The following HECA variants were observed in gnomAD, a reference collection of about 807,000 sequenced individuals.
HECA encodes headcase protein homolog.
Under a neutral mutation model 37.6 loss-of-function variants are expected in HECA, and 13 were observed. The ratio of observed to expected loss-of-function variants is 0.35; its 90% confidence interval spans 0.23 to 0.55. HECA has a LOEUF of 0.55. HECA is among the 20% of genes least tolerant of loss of function. The pLI, the probability that HECA is intolerant of heterozygous loss-of-function variation, is 0.90. For synonymous variants in HECA, 307 were observed against 291.5 expected (o/e 1.05, Z -0.54); for missense variants, 527 against 701.9 (o/e 0.75, Z 2.82).
rs1350803173 is a variant in HECA, at chr6:139,179,796, A to T, written c.*2691A>T. 1.3e-5 allele frequency: 2 copies of T among 152,232 alleles called. No homozygotes were observed. The highest frequency in any genetic ancestry group is 2.9e-5 in the Non-Finnish European group (2 of 68,034). 9.4% of individuals were successfully genotyped at this position (152,232 alleles called of 1,614,324 possible). On this transcript the variant is annotated 3_prime_UTR_variant, in exon 4 of 4. Coordinates refer to ENST00000367658, the MANE Select transcript of HECA (RefSeq NM_016217.3). ...ATTTTTGTTGTAGTTAGGATACTAA[A>T]AGGATATTAGTTACCCAAGAGATCC... is the stretch of plus-strand genomic sequence containing the variant.
chr6:139,150,484 AAAAG>A (rs1022484891), intron 1 of HECA, among the ~76,000 whole-genome samples: 4 of 151,432 alleles, frequency 2.6e-5, no homozygotes, highest in African/African-American at 9.7e-5. Context: ...TAAAAAAAAA[AAAAG>A]AAATAGATGA....
intron 1 of HECA, among the ~76,000 whole-genome samples, chr6:139,154,516 G>C (rs1009647124): frequency 6.6e-6 from 1 of 152,248 alleles, no homozygotes; most frequent in Non-Finnish European, 1.5e-5. Flanking sequence ...TTGAACAGCA[G>C]GGAGTTGTGA....
At position 139,174,214 on chromosome 6, in the gene HECA, A is replaced by G. The variant is rs569976017; in HGVS notation, c.1313-171A>G. Among the ~76,000 whole-genome samples, 213 of 152,376 alleles carry G rather than the reference A, an allele frequency of 1.4e-3. 7 individuals are homozygous for G. The South Asian group carries it at 0.042, about 30-fold the overall frequency. On this transcript the variant is annotated intron_variant, in intron 2 of 3. Coordinates refer to ENST00000367658, the MANE Select transcript of HECA (RefSeq NM_016217.3). Reference sequence around the variant, plus strand: ...CTTTATTGACAACAGCTAGTAATTCATCATTATCCTGAAAGGACAGCTTGT... The same window carrying G: ...CTTTATTGACAACAGCTAGTAATTCGTCATTATCCTGAAAGGACAGCTTGT...
intron 1 of HECA, among the ~76,000 whole-genome samples, chr6:139,154,873 T>C (rs890511501): frequency 6.6e-6 from 1 of 152,260 alleles, no homozygotes; most frequent in East Asian, 1.9e-4. Flanking sequence ...GACATTAATA[T>C]GGATAATCAA....
At chr6:139,158,269 G>A (rs767569503) in intron 1 of HECA, among the ~76,000 whole-genome samples, 4 of 151,954 alleles carry the variant, frequency 2.6e-5, no homozygotes, top group South Asian at 2.1e-4. Context: ...TTGGGAGGCC[G>A]AGGCGGGCAG....
Position 139,177,106 on chromosome 6 carries a change from T to C in HECA, c.*1T>C. Reference sequence around the variant, plus strand: ...CTTCAAAGTTCTCGAAGCTTATTGATGAAAGCTTTGCTTTAGTAATAGCTA... The same window carrying C: ...CTTCAAAGTTCTCGAAGCTTATTGACGAAAGCTTTGCTTTAGTAATAGCTA... On this transcript the variant is annotated 3_prime_UTR_variant, in exon 4 of 4. Coordinates refer to ENST00000367658, the MANE Select transcript of HECA (RefSeq NM_016217.3). The surrounding 1 kb of genome is among the most constrained non-coding windows in gnomAD (Gnocchi z 4.9). 1.2e-6 allele frequency: 1 copy of C among 845,348 alleles called. No individual in the cohort carries two copies. The highest frequency in any genetic ancestry group is 1.7e-5 in the Admixed American group (1 of 58,738). The allele number at this position is 845,348 out of a possible 1,614,324, so 52.4% of individuals were successfully genotyped here.
chr6:139,173,538 G>A (rs1775005947), intron 2 of HECA, among the ~76,000 whole-genome samples: 1 of 152,110 alleles, frequency 6.6e-6, no homozygotes, highest in Non-Finnish European at 1.5e-5. Flanking sequence ...TGAATATGAG[G>A]CCACTTAGGA....
intron 1 of HECA, 49 bp downstream of exon 1, chr6:139,135,716 CGGCGCGGTGGCGGGGCCCTGGGT>C: frequency 1.1e-6 from 1 of 895,160 alleles, no homozygotes; most frequent in Middle Eastern, 5.6e-4. Context: ...CCGACGGGGA[CGGCGCGGTGGCGGGGCCCTGGGT>C]GGCGCGGGCG....
At chr6:139,170,949 A>G (rs1318627406) in intron 2 of HECA, among the ~76,000 whole-genome samples, 1 of 152,152 alleles carries the variant, frequency 6.6e-6, no homozygotes, top group Non-Finnish European at 1.5e-5. Context: ...AAGAAAAATT[A>G]CAGCTTGTGA....
At chr6:139,174,013 A>G (rs984307565) in intron 2 of HECA, among the ~76,000 whole-genome samples, 15 of 152,206 alleles carry the variant, frequency 9.9e-5, no homozygotes, top group South Asian at 4.1e-4. Context: ...AAGTCTCTAT[A>G]TGCTAAACAT....
At chr6:139,173,201 G>A (rs1774999672) in intron 2 of HECA, among the ~76,000 whole-genome samples, 1 of 152,168 alleles carries the variant, frequency 6.6e-6, no homozygotes, top group Non-Finnish European at 1.5e-5. Flanking sequence ...AGAAGTTCTT[G>A]TCATCCTTCC....
In HECA at chr6:139,166,803, C is replaced by T. The variant is rs1309110936; in HGVS notation, c.791C>T (p.Ser264Phe). ...GGTGCCGCAGCCTACGGTGCCCGTT[C>T]CCCCGGTGGCTCCCCGGGCCAGTCC... is the stretch of plus-strand genomic sequence containing the variant. Reference protein sequence around the residue: ...AVGAAAYGARSPGGSPGQSPP... With the variant: ...AVGAAAYGARFPGGSPGQSPP... The change falls in exon 2 of 4, where the codon TCC becomes TTC. Residue 264 changes from serine to phenylalanine, a missense_variant. Physicochemically the swap from Ser to Phe is radical, Grantham distance 155 (BLOSUM62 -2). This residue lies in a region of HECA where 228 missense variants were observed against 259.8 expected (regional missense o/e 0.88). Transcript: ENST00000367658. 10 of 1,613,576 alleles carry T rather than the reference C, an allele frequency of 6.2e-6. No individual in the cohort carries two copies. The highest frequency in any genetic ancestry group is 8.5e-6 in the Non-Finnish European group (10 of 1,179,942).
At chr6:139,164,930 T>A (rs1000726316) in intron 1 of HECA, among the ~76,000 whole-genome samples, 15 of 152,156 alleles carry the variant, frequency 9.9e-5, no homozygotes, top group African/African-American at 3.4e-4. Flanking sequence ...ATCTCTACAT[T>A]AGCCCCTTCC....
In HECA at chr6:139,176,432, C is replaced by G. The variant is rs150023771; in HGVS notation, c.1468-509C>G. ...GAAAGGTTCCAGGACTGTGCTGTTA[C>G]GGAGAGGCTAGGCATGAGTGAAGAT... On this transcript the variant is annotated intron_variant, in intron 3 of 3. Coordinates refer to ENST00000367658, the MANE Select transcript of HECA (RefSeq NM_016217.3). The surrounding 1 kb of genome is among the most constrained non-coding windows in gnomAD (Gnocchi z 4.5). 6.6e-6 allele frequency among the ~76,000 whole-genome samples: 1 copy of G among 152,156 alleles called. No homozygotes were observed. The highest frequency in any genetic ancestry group is 1.5e-5 in the Non-Finnish European group (1 of 68,032).
rs117195921 is a variant in HECA, at chr6:139,162,074, G to A, written c.272-4210G>A. 5.7e-3 allele frequency among the ~76,000 whole-genome samples: 874 copies of A among 152,220 alleles called. 5 individuals carry two copies. Among genetic ancestry groups the A allele is most frequent in the Non-Finnish European group, 9.7e-3 (661 of 68,018 alleles). On this transcript the variant is annotated intron_variant, in intron 1 of 3. Coordinates refer to ENST00000367658, the MANE Select transcript of HECA (RefSeq NM_016217.3). ...TTTAATGCGACTTTTTTCAGCACTG[G>A]AGTTTTACAAAGCCTGGGCCCAGTG... is the stretch of plus-strand genomic sequence containing the variant.
intron 2 of HECA, among the ~76,000 whole-genome samples, chr6:139,173,146 C>A (rs1362769993): frequency 6.6e-6 from 1 of 152,128 alleles, no homozygotes; most frequent in South Asian, 2.1e-4. Flanking sequence ...GCATGTGAGA[C>A]CCTTTTATTT....
At position 139,167,195 on chromosome 6, in the gene HECA, G is replaced by A. The variant is rs2114475111; in HGVS notation, c.1183G>A (p.Val395Met). 1 of 1,614,196 alleles carries A rather than the reference G, an allele frequency of 6.2e-7. No individual in the cohort carries two copies. Among genetic ancestry groups the A allele is most frequent in the Non-Finnish European group, 8.5e-7 (1 of 1,180,030 alleles). Residue 395 changes from valine (V) to methionine (M), a missense_variant, in exon 2 of 4, where the codon GTG becomes ATG. This residue lies in a region of HECA where 106 missense variants were observed against 193.4 expected (regional missense o/e 0.55). Transcript: ENST00000367658. Reference protein sequence around the residue: ...LAALSASHRNVVNCALCHRAL... With the variant: ...LAALSASHRNMVNCALCHRAL... ...CGCGCTCAGTGCCAGCCACAGAAAC[G>A]TGGTAAACTGTGCCCTGTGCCACCG...
rs1009332556 is a variant in HECA at position 139,166,823 on chromosome 6, C to G, written c.811C>G (p.Gln271Glu). The change falls in exon 2 of 4, where the codon CAG becomes GAG. Residue 271 changes from glutamine to glutamate, a missense_variant. Around this residue, in one of 4 missense-constraint regions of HECA, gnomAD observed 228 missense variants for 259.8 expected, o/e 0.88. Coordinates refer to ENST00000367658, the MANE Select transcript of HECA (RefSeq NM_016217.3). ...CCGTTCCCCCGGTGGCTCCCCGGGC[C>G]AGTCCCCACCCACGGGCTACTCCAT... ...GARSPGGSPG[Q>E]SPPTGYSILS... 28 of 1,613,578 alleles carry G rather than the reference C, an allele frequency of 1.7e-5. No homozygotes were observed. The highest frequency in any genetic ancestry group is 2.4e-5 in the Non-Finnish European group (28 of 1,179,936).
rs1234662264 is a variant in HECA at position 139,178,659 on chromosome 6, C to G, written c.*1554C>G. 6.6e-6 allele frequency: 1 copy of G among 152,054 alleles called. No homozygotes were observed. The highest frequency in any genetic ancestry group is 6.5e-5 in the Admixed American group (1 of 15,270). The allele number at this position is 152,054 out of a possible 1,614,324, so 9.4% of individuals were successfully genotyped here. On this transcript the variant is annotated 3_prime_UTR_variant, in exon 4 of 4. Coordinates refer to ENST00000367658, the MANE Select transcript of HECA (RefSeq NM_016217.3). Reference sequence around the variant, plus strand: ...GTGCGATCTCAGCTCACTGCAACCTCTGCCTCCTGGATTCAAGCGATTCTC... The same window carrying G: ...GTGCGATCTCAGCTCACTGCAACCTGTGCCTCCTGGATTCAAGCGATTCTC...
Sources: gnomAD v4.1 joint callset for allele counts (sites outside exome capture counted in the v4.1 genomes callset) on GRCh38, gnomAD v4.1.1 for gene constraint, gnomAD v4.1.1 regional missense constraint, Gnocchi (gnomAD v3.1) non-coding constraint, MANE v1.5 for transcripts, NCBI Gene and HGNC (gene_info 2026-07-23, HGNC 2026-07-21) for gene names.